KCTD16: variants seen among roughly 807,000 people sequenced by gnomAD.
KCTD16 encodes potassium channel tetramerization domain containing 16.
A neutral mutation model predicts 33.2 loss-of-function variants in KCTD16; 13 were observed. That is an observed-to-expected ratio of 0.39 (90% CI 0.25 to 0.62). KCTD16 has a LOEUF of 0.62. Ranked by LOEUF, KCTD16 falls within the 20% of genes least tolerant of loss-of-function variation. The pLI, the probability that KCTD16 is intolerant of heterozygous loss-of-function variation, is 0.50. For synonymous variants in KCTD16, 197 were observed against 195.3 expected, an observed-to-expected ratio of 1.01 and a Z score of -0.07; for missense variants, 441 against 525.1, an observed-to-expected ratio of 0.84 and a Z score of 1.57.
chr5:144,361,694 C>G (rs956691544), intron 3 of KCTD16, among the ~76,000 whole-genome samples: 2 of 152,118 alleles, frequency 1.3e-5, no homozygotes, highest in Non-Finnish European at 2.9e-5. Flanking sequence ...AAATATTTTA[C>G]TCAGGATATC....
Position 144,481,618 on chromosome 5 carries a change from T to C in KCTD16, c.*7504T>C, listed in dbSNP as rs1264264466. ...TGGTAGGGTCATTCTAATTCCATTT[T>C]ATACAAGGGAAACTAAGGACCCAGA... On this transcript the variant is annotated 3_prime_UTR_variant, in exon 4 of 4. Transcript: ENST00000512467. 6.6e-6 allele frequency: 1 copy of C among 151,978 alleles called. No individual in the cohort carries two copies. Among genetic ancestry groups the C allele is most frequent in the Non-Finnish European group, 1.5e-5 (1 of 67,930 alleles). The allele number at this position is 151,978 out of a possible 1,614,324, so 9.4% of individuals were successfully genotyped here. A position where few individuals can be genotyped will look rare whatever the true frequency, so the allele number is the denominator to read the frequency against.
At chr5:144,315,682 A>G (rs1381647381) in intron 3 of KCTD16, among the ~76,000 whole-genome samples, 1 of 152,186 alleles carries the variant, frequency 6.6e-6, no homozygotes, top group Non-Finnish European at 1.5e-5. Flanking sequence ...ACTGAGGGAT[A>G]GAAGATTAAG....
chr5:144,474,392 G>A lies in KCTD16; in HGVS notation c.*278G>A. ...GCTAACTATCTTATATATAATGAGA[G>A]CCAGCTACGTAAAAGTAGCTGAGAG... On this transcript the variant is annotated 3_prime_UTR_variant, in exon 4 of 4. Transcript: ENST00000512467. 3.5e-6 allele frequency: 1 copy of A among 282,150 alleles called. No individual in the cohort carries two copies. Among genetic ancestry groups the A allele is most frequent in the Non-Finnish European group, 6.7e-6 (1 of 149,404 alleles). The allele number at this position is 282,150 out of a possible 1,614,324, so 17.5% of individuals were successfully genotyped here.
intron 3 of KCTD16, among the ~76,000 whole-genome samples, chr5:144,415,187 C>A (rs1052810698): frequency 3.3e-5 from 5 of 152,064 alleles, no homozygotes; most frequent in Non-Finnish European, 7.4e-5. Flanking sequence ...TTGTAAGAAA[C>A]CAACTCCCAT....
intron 3 of KCTD16, among the ~76,000 whole-genome samples, chr5:144,224,302 A>G (rs933615497): frequency 6.6e-6 from 1 of 151,198 alleles, no homozygotes; most frequent in African/African-American, 2.4e-5. Context: ...AATGCTTTGT[A>G]CCTAGTAGTT....
At chr5:144,176,387 C>CTTTTTT (rs368578231) in intron 2 of KCTD16, among the ~76,000 whole-genome samples, 1 of 106,660 alleles carries the variant, frequency 9.4e-6, no homozygotes, top group Non-Finnish European at 2.0e-5. Context: ...TATAGTGTTT[C>CTTTTTT]TTTTTTTTTT....
intron 3 of KCTD16, among the ~76,000 whole-genome samples, chr5:144,255,670 A>G (rs1030587282): frequency 1.3e-5 from 2 of 152,228 alleles, no homozygotes; most frequent in Admixed American, 6.5e-5. Context: ...CTAATTTTTG[A>G]TATTGAGTAA....
chr5:144,373,120 A>C (rs1197398926), intron 3 of KCTD16, among the ~76,000 whole-genome samples: 1 of 152,176 alleles, frequency 6.6e-6, no homozygotes, highest in Non-Finnish European at 1.5e-5. Context: ...TGGCTTAGGC[A>C]GCTGGGTAGA....
At chr5:144,271,411 C>A (rs1421356203) in intron 3 of KCTD16, among the ~76,000 whole-genome samples, 2 of 151,872 alleles carry the variant, frequency 1.3e-5, no homozygotes, top group African/African-American at 2.4e-5. Context: ...AGCACATGAT[C>A]ATCTCAATGC....
chr5:144,340,327 G>A (rs751139622), intron 3 of KCTD16, among the ~76,000 whole-genome samples: 29 of 150,940 alleles, frequency 1.9e-4, no homozygotes, highest in East Asian at 5.9e-4. Context: ...GCGTGAACCC[G>A]GGAGGCGTAG....
intron 3 of KCTD16, among the ~76,000 whole-genome samples, chr5:144,352,651 C>A (rs1751473146): frequency 6.6e-6 from 1 of 152,102 alleles, no homozygotes; most frequent in African/African-American, 2.4e-5. Flanking sequence ...TTGGTTGTGC[C>A]CTGTTCCTGA....
chr5:144,264,284 A>AT (rs1157044049), intron 3 of KCTD16, among the ~76,000 whole-genome samples: 7 of 152,226 alleles, frequency 4.6e-5, no homozygotes, highest in African/African-American at 1.7e-4. Flanking sequence ...AAACATGAGA[A>AT]TTTAAATCAC....
intron 3 of KCTD16, among the ~76,000 whole-genome samples, chr5:144,268,295 G>A (rs1191279478): frequency 6.6e-6 from 1 of 152,198 alleles, no homozygotes; most frequent in African/African-American, 2.4e-5. Context: ...GGTATAGGCA[G>A]CAATATTTGC....
In KCTD16 at chr5:144,223,346, A is replaced by G. The variant is rs149705382; in HGVS notation, c.832+15800A>G. Among the ~76,000 whole-genome samples, 638 of 152,332 alleles carry G rather than the reference A, an allele frequency of 4.2e-3. 4 individuals are homozygous for G. Among genetic ancestry groups the G allele is most frequent in the African/African-American group, 0.015 (611 of 41,582 alleles). ...TAGTAGAAAGTTAAAAATATGTACT[A>G]TAAATTCTAAAGACATCATTAAAGT... On this transcript the variant is annotated intron_variant, in intron 3 of 3. Transcript: ENST00000512467.
rs147117374 is a variant in KCTD16 at position 144,207,152 on chromosome 5, C to T, written c.438C>T (p.Ser146=). 2.0e-5 allele frequency: 32 copies of T among 1,611,424 alleles called. No individual in the cohort carries two copies. Among genetic ancestry groups the T allele is most frequent in the East Asian group, 4.5e-5 (2 of 44,864 alleles). ...ACTTTGAAGATGCCTCCCAAGGAAG[C>T]GACACAAGAATCTGCCCCCCTTCCT... ...HSDFEDASQG[S]DTRICPPSSL... The change falls in exon 3 of 4, where the codon AGC becomes AGT. Residue 146 remains serine (S), a synonymous_variant. Coordinates refer to ENST00000512467, the MANE Select transcript of KCTD16 (RefSeq NM_020768.4).
intron 3 of KCTD16, among the ~76,000 whole-genome samples, chr5:144,417,983 G>C (rs1431847734): frequency 6.6e-6 from 1 of 152,128 alleles, no homozygotes; most frequent in African/African-American, 2.4e-5. Context: ...ATGTTCAGAA[G>C]TGTCCAGAGT....
At chr5:144,351,466 A>G (rs967265959) in intron 3 of KCTD16, among the ~76,000 whole-genome samples, 6 of 152,164 alleles carry the variant, frequency 3.9e-5, no homozygotes, top group Admixed American at 2.6e-4. Context: ...TTAAGTTAGT[A>G]CGGCTATTAT....
At chr5:144,322,701 TAAC>T (rs1752105102) in intron 3 of KCTD16, among the ~76,000 whole-genome samples, 4 of 140,774 alleles carry the variant, frequency 2.8e-5, no homozygotes, top group Admixed American at 2.8e-4. Flanking sequence ...CTTCTCACAA[TAAC>T]AACAAAAGGA....
intron 2 of KCTD16, among the ~76,000 whole-genome samples, chr5:144,187,868 A>C (rs73310716): frequency 7.9e-5 from 12 of 152,376 alleles, no homozygotes; most frequent in African/African-American, 2.6e-4. Flanking sequence ...TATTTTTGCC[A>C]GCAGCTCTTC....
Sources: allele counts gnomAD v4.1 joint callset (sites outside exome capture counted in the v4.1 genomes callset), GRCh38; gene constraint gnomAD v4.1.1; transcripts MANE v1.5; gene names NCBI Gene and HGNC (gene_info 2026-07-23, HGNC 2026-07-21).